Variants in NIPAL2 observed in about 807,000 individuals in gnomAD.
NIPAL2 encodes NIPA like domain containing 2.
In NIPAL2, 43 loss-of-function variants were observed where a neutral mutation model predicts 48.9. That is an observed-to-expected ratio of 0.88 (90% CI 0.69 to 1.13). The LOEUF is 1.13. Among genes scored for constraint, NIPAL2 ranks in the 50% most tolerant of loss-of-function variants. The pLI is 0.00. For missense variants in NIPAL2, 446 were observed against 461.4 expected, an observed-to-expected ratio of 0.97 and a Z score of 0.31; for synonymous variants, 167 against 174.6, an observed-to-expected ratio of 0.96 and a Z score of 0.34.
chr8:98,231,827 T>C (rs979789020), intron 4 of NIPAL2: 2 of 152,182 alleles, frequency 1.3e-5, no homozygotes, highest in African/African-American at 2.4e-5. Context: ...TCTTCATTTG[T>C]TCCATCATGA....
chr8:98,239,937 A>T (rs1362068063), intron 3 of NIPAL2, among the ~76,000 whole-genome samples: 1 of 152,206 alleles, frequency 6.6e-6, no homozygotes, highest in East Asian at 1.9e-4. Context: ...ATATGTTTGT[A>T]ATCAGAGGTC....
chr8:98,243,849 T>C (rs1404426362), intron 3 of NIPAL2, among the ~76,000 whole-genome samples: 1 of 152,204 alleles, frequency 6.6e-6, no homozygotes, highest in Non-Finnish European at 1.5e-5. Flanking sequence ...ATTTGTAACA[T>C]TAAGACATAT....
chr8:98,270,366 T>A (rs1345182290), intron 1 of NIPAL2, among the ~76,000 whole-genome samples: 1 of 152,202 alleles, frequency 6.6e-6, no homozygotes, highest in Non-Finnish European at 1.5e-5. Context: ...TACTTTTTAA[T>A]AATAGCCATT....
chr8:98,227,331 C>A (rs902390041), intron 4 of NIPAL2, among the ~76,000 whole-genome samples: 1 of 152,144 alleles, frequency 6.6e-6, no homozygotes, highest in African/African-American at 2.4e-5. Context: ...GAGTCCCTCC[C>A]CATAGCCACC....
chr8:98,266,860 A>G (rs1160430082), intron 1 of NIPAL2, among the ~76,000 whole-genome samples: 1 of 152,212 alleles, frequency 6.6e-6, no homozygotes, highest in Non-Finnish European at 1.5e-5. Context: ...ACTATGATGC[A>G]ACATGCTAGT....
At chr8:98,264,934 T>C (rs1004416938) in intron 1 of NIPAL2, among the ~76,000 whole-genome samples, 1 of 149,648 alleles carries the variant, frequency 6.7e-6, no homozygotes, top group African/African-American at 2.5e-5. Flanking sequence ...AAAACAGAGA[T>C]ATAGATCAAT....
chr8:98,226,191 C>A (rs140901567), intron 4 of NIPAL2, among the ~76,000 whole-genome samples: 1 of 152,110 alleles, frequency 6.6e-6, no homozygotes, highest in South Asian at 2.1e-4. Context: ...GGTTACATAA[C>A]CTTGCCTCTC....
chr8:98,259,304 T>C (rs1814142550), intron 1 of NIPAL2, among the ~76,000 whole-genome samples: 1 of 151,830 alleles, frequency 6.6e-6, no homozygotes, highest in Admixed American at 6.6e-5. Context: ...CTCGATCTCC[T>C]GACCTCGTGA....
intron 1 of NIPAL2, among the ~76,000 whole-genome samples, chr8:98,256,376 C>T (rs1417855199): frequency 1.3e-5 from 2 of 152,016 alleles, no homozygotes; most frequent in African/African-American, 4.8e-5. Context: ...GAAAGGCAAC[C>T]CATGGAATGA....
intron 8 of NIPAL2, among the ~76,000 whole-genome samples, chr8:98,201,600 G>A (rs930991837): frequency 6.6e-6 from 1 of 152,056 alleles, no homozygotes; most frequent in African/African-American, 2.4e-5. Flanking sequence ...TTCCCAGGCT[G>A]CAGAAAATCT....
chr8:98,289,237 C>T (rs1406029311), intron 1 of NIPAL2, among the ~76,000 whole-genome samples: 1 of 152,054 alleles, frequency 6.6e-6, no homozygotes, highest in African/African-American at 2.4e-5. Context: ...TTTAAGAAAC[C>T]AGGCCATGTA....
chr8:98,262,869 TAC>T (rs1814444298), intron 1 of NIPAL2, among the ~76,000 whole-genome samples: 2 of 152,168 alleles, frequency 1.3e-5, no homozygotes, highest in South Asian at 4.2e-4. Context: ...ATTGACCACA[TAC>T]TTGGAAGTAA....
chr8:98,209,842 C>G (rs1228842988), intron 6 of NIPAL2, among the ~76,000 whole-genome samples: 1 of 152,112 alleles, frequency 6.6e-6, no homozygotes, highest in Non-Finnish European at 1.5e-5. Context: ...GCAACAGCAT[C>G]AGAATAATCT....
At chr8:98,214,395 C>A (rs1341988357) in intron 5 of NIPAL2, among the ~76,000 whole-genome samples, 6 of 152,128 alleles carry the variant, frequency 3.9e-5, no homozygotes, top group Admixed American at 3.9e-4. Flanking sequence ...AACTCCTGAC[C>A]TCAAGTGATC....
chr8:98,225,403 C>T (rs748819092), intron 4 of NIPAL2, among the ~76,000 whole-genome samples: 7 of 152,084 alleles, frequency 4.6e-5, no homozygotes, highest in East Asian at 1.9e-4. Context: ...TGGTATGAAA[C>T]GTCAGTTCCT....
intron 1 of NIPAL2, among the ~76,000 whole-genome samples, chr8:98,273,853 T>C (rs1815295079): frequency 6.6e-6 from 1 of 152,108 alleles, no homozygotes; most frequent in Non-Finnish European, 1.5e-5. Flanking sequence ...ACACTGTCTG[T>C]CTCAGCTTCA....
At chr8:98,280,760 A>ATATATG (rs1244183299) in intron 1 of NIPAL2, among the ~76,000 whole-genome samples, 1 of 80,676 alleles carries the variant, frequency 1.2e-5, no homozygotes, top group African/African-American at 4.3e-5. Flanking sequence ...ATATATATAT[A>ATATATG]TAGAGAGAGA....
At chr8:98,228,612 C>A (rs1192341378) in intron 4 of NIPAL2, among the ~76,000 whole-genome samples, 1 of 152,200 alleles carries the variant, frequency 6.6e-6, no homozygotes, top group Non-Finnish European at 1.5e-5. Context: ...GAATACGCTT[C>A]AAAGCCCACT....
chr8:98,231,836 G>A (rs1812455663), intron 4 of NIPAL2: 1 of 152,106 alleles, frequency 6.6e-6, no homozygotes, highest in African/African-American at 2.4e-5. Flanking sequence ...GTTCCATCAT[G>A]AAAAACAAAC....
Sources: allele counts gnomAD v4.1 joint callset (sites outside exome capture counted in the v4.1 genomes callset), GRCh38; gene constraint gnomAD v4.1.1; transcripts MANE v1.5; gene names NCBI Gene and HGNC (gene_info 2026-07-23, HGNC 2026-07-21).